The following BMPR1B variants were observed in gnomAD, a reference collection of about 807,000 sequenced individuals.
BMPR1B encodes the protein bone morphogenetic protein receptor type 1B, also known as bone morphogenetic protein receptor type-1B.
BMPR1B carries 12 observed loss-of-function variants against 59.1 expected under a neutral mutation model. The ratio of observed to expected loss-of-function variants is 0.20; its 90% CI spans 0.13 to 0.33. The LOEUF is 0.33. Ranked by LOEUF, BMPR1B falls within the 10% of genes least tolerant of loss-of-function variation. The probability of loss-of-function intolerance (pLI) is 1.00; values close to 1 mark genes in which losing one functional copy is unlikely to be tolerated. For synonymous variants in BMPR1B, 237 were observed against 207.3 expected (o/e 1.14, Z -1.23); for missense variants, 550 against 610.9 (o/e 0.90, Z 1.05).
chr4:94,888,025 C>G (rs192440286), intron 2 of BMPR1B, among the ~76,000 whole-genome samples: 1 of 152,128 alleles, frequency 6.6e-6, no homozygotes, highest in East Asian at 1.9e-4. Context: ...AATAATTAGA[C>G]TAGCATTAGC....
intron 1 of BMPR1B, among the ~76,000 whole-genome samples, chr4:94,779,071 G>T (rs1402068803): frequency 2.0e-5 from 3 of 151,850 alleles, no homozygotes; most frequent in Non-Finnish European, 4.4e-5. Context: ...TATAATTTTT[G>T]TGCCTTGTTT....
intron 2 of BMPR1B, among the ~76,000 whole-genome samples, chr4:94,878,768 G>T: frequency 6.8e-6 from 1 of 146,404 alleles, no homozygotes. Context: ...TGATATGCTT[G>T]GTAGGCATTT....
At chr4:95,137,539 A>G (rs2149310950) in intron 10 of BMPR1B, among the ~76,000 whole-genome samples, 1 of 152,100 alleles carries the variant, frequency 6.6e-6, no homozygotes, top group East Asian at 1.9e-4. Flanking sequence ...ATTGTGTGGG[A>G]GTCTAAGTCT....
chr4:95,141,409 TCTCTTAGG>T (rs1734221580), intron 10 of BMPR1B, among the ~76,000 whole-genome samples: 1 of 152,196 alleles, frequency 6.6e-6, no homozygotes, highest in South Asian at 2.1e-4. Flanking sequence ...TGGTAAGTGT[TCTCTTAGG>T]CTTTTCAGTC....
At chr4:95,084,512 G>C (rs1406200426) in intron 3 of BMPR1B, among the ~76,000 whole-genome samples, 1 of 152,160 alleles carries the variant, frequency 6.6e-6, no homozygotes, top group African/African-American at 2.4e-5. Context: ...GGTAAAGGTA[G>C]AGTTGGAAGC....
chr4:95,031,020 C>T (rs902644562), intron 3 of BMPR1B, among the ~76,000 whole-genome samples: 6 of 151,460 alleles, frequency 4.0e-5, no homozygotes, highest in Non-Finnish European at 8.8e-5. Flanking sequence ...GAAAAAACTA[C>T]TTTAAAGTTC....
At chr4:94,873,594 G>A (rs1726590492) in intron 1 of BMPR1B, among the ~76,000 whole-genome samples, 1 of 151,974 alleles carries the variant, frequency 6.6e-6, no homozygotes, top group Non-Finnish European at 1.5e-5. Context: ...TTCTTTAGTA[G>A]AGATGGGGTT....
chr4:95,004,808 A>C (rs1722708351), intron 3 of BMPR1B, among the ~76,000 whole-genome samples: 1 of 152,190 alleles, frequency 6.6e-6, no homozygotes. Context: ...TAGAGAAAGA[A>C]AGCATGGTGA....
intron 2 of BMPR1B, among the ~76,000 whole-genome samples, chr4:94,918,162 T>C (rs757604748): frequency 2.0e-5 from 3 of 152,168 alleles, no homozygotes; most frequent in Admixed American, 6.5e-5. Flanking sequence ...CTAGTATTTC[T>C]TTATAGCAAG....
chr4:95,019,089 T>C (rs975647569), intron 3 of BMPR1B, among the ~76,000 whole-genome samples: 12 of 152,184 alleles, frequency 7.9e-5, no homozygotes, highest in African/African-American at 2.9e-4. Context: ...TACCGCTTCA[T>C]ATTGCATACA....
intron 8 of BMPR1B, among the ~76,000 whole-genome samples, chr4:95,129,386 T>TCCTC (rs1733141409): frequency 6.6e-6 from 1 of 151,986 alleles, no homozygotes; most frequent in Non-Finnish European, 1.5e-5. Context: ...CCTCCCTCCT[T>TCCTC]CCTCCCTCCC....
chr4:94,948,731 C>T (rs1729813364), intron 2 of BMPR1B, among the ~76,000 whole-genome samples: 1 of 152,116 alleles, frequency 6.6e-6, no homozygotes, highest in Non-Finnish European at 1.5e-5. Context: ...ATTCCAGAAT[C>T]TGGGTGGACA....
chr4:94,836,046 G>A (rs1317768918), intron 1 of BMPR1B, among the ~76,000 whole-genome samples: 3 of 148,786 alleles, frequency 2.0e-5, no homozygotes, highest in Admixed American at 1.3e-4. Context: ...TACTGAGAAT[G>A]ATGATTTCCA....
chr4:94,823,172 G>A (rs1233229637), intron 1 of BMPR1B, among the ~76,000 whole-genome samples: 1 of 152,164 alleles, frequency 6.6e-6, no homozygotes, highest in Non-Finnish European at 1.5e-5. Context: ...AGCTTGAGGT[G>A]CTCTTTCTCA....
intron 1 of BMPR1B, among the ~76,000 whole-genome samples, chr4:94,846,705 ATG>A (rs1447531235): frequency 6.6e-6 from 1 of 151,870 alleles, no homozygotes; most frequent in Admixed American, 6.6e-5. Flanking sequence ...ATATGTATAT[ATG>A]TATCTATATA....
At chr4:95,081,354 C>G (rs1015967679) in intron 3 of BMPR1B, among the ~76,000 whole-genome samples, 1 of 152,150 alleles carries the variant, frequency 6.6e-6, no homozygotes, top group African/African-American at 2.4e-5. Context: ...GAAAGAATGA[C>G]TGACAGAAAA....
In BMPR1B at chr4:94,910,061, A is replaced by T. The variant is rs116359457; in HGVS notation, c.-113+34161A>T. Among the ~76,000 whole-genome samples, 813 of 152,244 alleles carry T rather than the reference A, an allele frequency of 5.3e-3. 7 individuals are homozygous for T. Among genetic ancestry groups the T allele is most frequent in the African/African-American group, 0.018 (766 of 41,560 alleles). Reference sequence around the variant, plus strand: ...CTCCGTCTCCAAAAAAAACAAAAAAAAAGAGCCTTTAAAAGACATTCTAGA... The same window carrying T: ...CTCCGTCTCCAAAAAAAACAAAAAATAAGAGCCTTTAAAAGACATTCTAGA... On this transcript the variant is annotated intron_variant, in intron 2 of 12. Transcript: ENST00000515059.
At chr4:94,780,850 G>A (rs1164523256) in intron 1 of BMPR1B, among the ~76,000 whole-genome samples, 1 of 151,704 alleles carries the variant, frequency 6.6e-6, no homozygotes, top group Non-Finnish European at 1.5e-5. Flanking sequence ...CACCATGTCC[G>A]GCTAATTTTT....
At chr4:94,906,135 T>C (rs1027836192) in intron 2 of BMPR1B, among the ~76,000 whole-genome samples, 2 of 151,972 alleles carry the variant, frequency 1.3e-5, no homozygotes, top group East Asian at 1.9e-4. Flanking sequence ...TTATCTCCAA[T>C]GACTCTACTT....
Sources: allele counts gnomAD v4.1 joint callset (sites outside exome capture counted in the v4.1 genomes callset), GRCh38; gene constraint gnomAD v4.1.1; transcripts MANE v1.5; gene names NCBI Gene and HGNC (gene_info 2026-07-23, HGNC 2026-07-21).